The following WDR41 variants were observed in gnomAD, a reference collection of about 807,000 sequenced individuals.
WDR41 encodes WD repeat-containing protein 41.
In WDR41, 63 loss-of-function variants were observed where a neutral mutation model predicts 69.3. That is an observed-to-expected ratio of 0.91 (90% CI 0.74 to 1.12). The LOEUF (loss-of-function observed/expected upper bound fraction) is 1.12, where lower values mean the gene tolerates loss of function less well. Among genes scored for constraint, WDR41 ranks in the 50% most tolerant of loss-of-function variants. The probability of loss-of-function intolerance (pLI) is 0.00; values close to 1 mark genes in which losing one functional copy is unlikely to be tolerated. For synonymous variants in WDR41, 185 were observed against 192.1 expected, an observed-to-expected ratio of 0.96 and a Z score of 0.31; for missense variants, 543 against 534.5, an observed-to-expected ratio of 1.02 and a Z score of -0.16.
chr5:77,592,953 C>T (rs1744158914), intron 1 of WDR41, among the ~76,000 whole-genome samples: 1 of 152,164 alleles, frequency 6.6e-6, no homozygotes, highest in Admixed American at 6.5e-5. Context: ...AATCACATTG[C>T]TAGCAATAAA....
chr5:77,583,059 A>C, intron 1 of WDR41: 2 of 1,596,012 alleles, frequency 1.3e-6, no homozygotes, highest in South Asian at 2.2e-5. Flanking sequence ...CCCATTTTGT[A>C]GAAGGTAGAG....
chr5:77,597,479 G>A (rs1178487007), intron 1 of WDR41, among the ~76,000 whole-genome samples: 4 of 152,128 alleles, frequency 2.6e-5, no homozygotes, highest in Admixed American at 6.5e-5. Flanking sequence ...CATCAGAGTC[G>A]TGATTAGGCA....
intron 1 of WDR41, among the ~76,000 whole-genome samples, chr5:77,584,279 AGAAAG>A (rs1226153501): frequency 2.6e-5 from 4 of 152,200 alleles, no homozygotes; most frequent in Non-Finnish European, 5.9e-5. Context: ...CATATAGACT[AGAAAG>A]GAAAAAGTAA....
intron 1 of WDR41, chr5:77,582,848 G>A (rs1184082515): frequency 1.9e-6 from 3 of 1,603,190 alleles, no homozygotes; most frequent in African/African-American, 2.7e-5. Context: ...TACAAGCGTG[G>A]TTATGGCAAA....
chr5:77,612,480 T>C (rs1335200334), intron 1 of WDR41, among the ~76,000 whole-genome samples: 2 of 152,230 alleles, frequency 1.3e-5, no homozygotes, highest in African/African-American at 4.8e-5. Flanking sequence ...GATGCAAGGC[T>C]GGTTCAATAT....
At chr5:77,534,792 C>A (rs2112213853) in intron 1 of WDR41, among the ~76,000 whole-genome samples, 1 of 152,268 alleles carries the variant, frequency 6.6e-6, no homozygotes, top group South Asian at 2.1e-4. Flanking sequence ...AAGGCATAGT[C>A]TGGGAGCTGA....
At chr5:77,561,020 G>C (rs1004454903) in intron 1 of WDR41, among the ~76,000 whole-genome samples, 1 of 152,124 alleles carries the variant, frequency 6.6e-6, no homozygotes, top group African/African-American at 2.4e-5. Context: ...TCTTAAAATA[G>C]TCTTGGTTGC....
chr5:77,619,839 G>A (rs1744744005), intron 1 of WDR41, among the ~76,000 whole-genome samples: 1 of 152,116 alleles, frequency 6.6e-6, no homozygotes. Context: ...CATAGGAGAA[G>A]TCAGCAATGC....
At chr5:77,569,020 T>G (rs2112270431) in intron 1 of WDR41, among the ~76,000 whole-genome samples, 1 of 152,284 alleles carries the variant, frequency 6.6e-6, no homozygotes, top group African/African-American at 2.4e-5. Flanking sequence ...TGCCCTGCCT[T>G]TCTCTGGTTC....
At chr5:77,524,567 G>C (rs1802418784) in intron 1 of WDR41, among the ~76,000 whole-genome samples, 1 of 152,126 alleles carries the variant, frequency 6.6e-6, no homozygotes, top group African/African-American at 2.4e-5. Flanking sequence ...ACTTCAGCCT[G>C]GGTGACAGAG....
At chr5:77,502,110 C>G (rs1339593074) in intron 1 of WDR41, among the ~76,000 whole-genome samples, 1 of 152,022 alleles carries the variant, frequency 6.6e-6, no homozygotes, top group African/African-American at 2.4e-5. Flanking sequence ...CACAAGGAAG[C>G]TAAAAACCTT....
chr5:77,444,494 T>C (rs1050994238), intron 8 of WDR41, among the ~76,000 whole-genome samples: 1 of 152,254 alleles, frequency 6.6e-6, no homozygotes, highest in African/African-American at 2.4e-5. Flanking sequence ...ACCTTCTGCC[T>C]GGGCATTCCA....
At chr5:77,579,795 A>G (rs1743904062) in intron 1 of WDR41, among the ~76,000 whole-genome samples, 1 of 152,218 alleles carries the variant, frequency 6.6e-6, no homozygotes, top group African/African-American at 2.4e-5. Flanking sequence ...CCCCTTTCTT[A>G]TCTTCACTGA....
chr5:77,503,495 G>A (rs909288180), intron 1 of WDR41, among the ~76,000 whole-genome samples: 1 of 152,154 alleles, frequency 6.6e-6, no homozygotes, highest in Non-Finnish European at 1.5e-5. Flanking sequence ...AGGATATCCA[G>A]GACTTGAACT....
At chr5:77,574,454 C>T (rs936258112) in intron 1 of WDR41, among the ~76,000 whole-genome samples, 1 of 152,118 alleles carries the variant, frequency 6.6e-6, no homozygotes, top group Non-Finnish European at 1.5e-5. Flanking sequence ...GGAGGTCAGA[C>T]ATTATAAGTG....
chr5:77,474,771 A>C (rs1423031181), intron 2 of WDR41, among the ~76,000 whole-genome samples: 3 of 152,242 alleles, frequency 2.0e-5, no homozygotes, highest in Non-Finnish European at 4.4e-5. Context: ...AATCACAGAT[A>C]GAAAGCTAAA....
At chr5:77,573,348 C>A (rs1439439026) in intron 1 of WDR41, among the ~76,000 whole-genome samples, 2 of 151,936 alleles carry the variant, frequency 1.3e-5, no homozygotes, top group Admixed American at 1.3e-4. Flanking sequence ...TATACATGTG[C>A]CGTGGTGGTT....
intron 1 of WDR41, among the ~76,000 whole-genome samples, chr5:77,504,332 T>G (rs1802071777): frequency 6.6e-6 from 1 of 152,146 alleles, no homozygotes; most frequent in African/African-American, 2.4e-5. Flanking sequence ...AGGAAGAAGT[T>G]GAATTTCTGA....
chr5:77,539,451 G>A (rs1743049031), intron 1 of WDR41, among the ~76,000 whole-genome samples: 4 of 152,144 alleles, frequency 2.6e-5, no homozygotes, highest in African/African-American at 9.7e-5. Flanking sequence ...GGTCTGGGGT[G>A]GAGTGGGGCT....
Sources: gnomAD v4.1 joint callset for allele counts (sites outside exome capture counted in the v4.1 genomes callset) on GRCh38, gnomAD v4.1.1 for gene constraint, MANE v1.5 for transcripts, NCBI Gene and HGNC (gene_info 2026-07-23, HGNC 2026-07-21) for gene names.